The following GNG12 variants were observed in gnomAD, a reference collection of about 807,000 sequenced individuals.
GNG12 encodes G protein subunit gamma 12.
For synonymous variants in GNG12, 28 were observed against 29.7 expected (o/e 0.94, Z 0.19); for missense variants, 69 against 83.8 (o/e 0.82, Z 0.69).
chr1:67,747,264 T>C (rs568723), intron 2 of GNG12, among the ~76,000 whole-genome samples: 108,401 of 152,114 alleles, frequency 0.71, 38,750 homozygotes, highest in African/African-American at 0.76. Flanking sequence ...GGACTACAGG[T>C]GTGTGCCACC....
rs907229581 is a variant in GNG12 at position 67,778,707 on chromosome 1, C to T, written c.-76-1200G>A. Among the ~76,000 whole-genome samples the T allele has an allele frequency of 3.9e-5, 6 of 152,136 alleles. 1 individual carries two copies. Among genetic ancestry groups the T allele is most frequent in the African/African-American group, 9.7e-5 (4 of 41,438 alleles). On this transcript the variant is annotated intron_variant, in intron 1 of 3. Coordinates refer to ENST00000370982, the MANE Select transcript of GNG12 (RefSeq NM_018841.6). ...ACATTATTTACACAAGACTGTGAGA[C>T]GGTGACAGGGATGGGATTCAAATCT...
intron 1 of GNG12, among the ~76,000 whole-genome samples, chr1:67,814,196 T>C (rs1570570303): frequency 6.6e-6 from 1 of 152,152 alleles, no homozygotes; most frequent in East Asian, 1.9e-4. Context: ...AAAAAAAAAT[T>C]GTGCTTGCTT....
chr1:67,807,628 G>T (rs141370349), intron 1 of GNG12, among the ~76,000 whole-genome samples: 1 of 151,784 alleles, frequency 6.6e-6, no homozygotes, highest in Non-Finnish European at 1.5e-5. Context: ...ATATAAAGGA[G>T]GGGACACTAC....
At chr1:67,732,297 G>A (rs571947353) in intron 2 of GNG12, among the ~76,000 whole-genome samples, 15 of 152,320 alleles carry the variant, frequency 9.8e-5, no homozygotes, top group African/African-American at 3.4e-4. Flanking sequence ...AGTATAAAGC[G>A]ACTATTATTA....
intron 2 of GNG12, among the ~76,000 whole-genome samples, chr1:67,729,393 CTCTT>C (rs370802663): frequency 8.0e-4 from 122 of 152,332 alleles, no homozygotes; most frequent in African/African-American, 2.8e-3. Flanking sequence ...CAGCTTCTCT[CTCTT>C]TCTGCTAATA....
intron 1 of GNG12, among the ~76,000 whole-genome samples, chr1:67,782,517 C>T (rs987043681): frequency 1.3e-5 from 2 of 152,090 alleles, no homozygotes; most frequent in African/African-American, 2.4e-5. Flanking sequence ...AGGAGAAATT[C>T]TTTTTACCTG....
intron 1 of GNG12, among the ~76,000 whole-genome samples, chr1:67,804,929 G>C (rs1570563881): frequency 1.3e-5 from 2 of 152,252 alleles, no homozygotes; most frequent in African/African-American, 2.4e-5. Flanking sequence ...CTTCCAGCAG[G>C]GGGAGGGTGA....
chr1:67,765,305 G>C (rs959200172), intron 2 of GNG12, among the ~76,000 whole-genome samples: 6 of 151,844 alleles, frequency 4.0e-5, no homozygotes, highest in Non-Finnish European at 8.8e-5. Context: ...TCTAAGAGCA[G>C]AGAAAGAAAA....
At chr1:67,791,986 G>A (rs1646804102) in intron 1 of GNG12, among the ~76,000 whole-genome samples, 1 of 152,140 alleles carries the variant, frequency 6.6e-6, no homozygotes, top group South Asian at 2.1e-4. Flanking sequence ...CCTTGACACA[G>A]GTTCTTCCTT....
chr1:67,720,281 G>A (rs914507904), intron 2 of GNG12, among the ~76,000 whole-genome samples: 36 of 152,330 alleles, frequency 2.4e-4, no homozygotes, highest in African/African-American at 7.7e-4. Flanking sequence ...GCTGGTGAAG[G>A]CGGGCCCATG....
intron 2 of GNG12, among the ~76,000 whole-genome samples, chr1:67,709,179 T>TG (rs1257575365): frequency 1.3e-5 from 2 of 152,196 alleles, no homozygotes; most frequent in Non-Finnish European, 2.9e-5. Flanking sequence ...AAGGATTTTT[T>TG]GGGGGGATTC....
intron 2 of GNG12, among the ~76,000 whole-genome samples, chr1:67,721,339 A>G (rs1646355039): frequency 6.6e-6 from 1 of 152,146 alleles, no homozygotes; most frequent in Non-Finnish European, 1.5e-5. Flanking sequence ...ATGGTTCTAA[A>G]CGCGTGGTCA....
intron 1 of GNG12, among the ~76,000 whole-genome samples, chr1:67,829,367 C>T (rs896904534): frequency 1.3e-5 from 2 of 152,058 alleles, no homozygotes; most frequent in Non-Finnish European, 2.9e-5. Context: ...TATTGCAAAC[C>T]ATTTCACATT....
At chr1:67,709,487 A>G (rs1240956260) in intron 2 of GNG12, among the ~76,000 whole-genome samples, 2 of 152,090 alleles carry the variant, frequency 1.3e-5, no homozygotes, top group African/African-American at 4.8e-5. Context: ...CCCTAGGAAT[A>G]AGGAAGCTCT....
At chr1:67,794,525 A>C (rs1284301150) in intron 1 of GNG12, among the ~76,000 whole-genome samples, 1 of 152,206 alleles carries the variant, frequency 6.6e-6, no homozygotes, top group African/African-American at 2.4e-5. Flanking sequence ...AAGACGGTGG[A>C]TCACAGAGAT....
At chr1:67,779,794 A>T (rs1176339844) in intron 1 of GNG12, among the ~76,000 whole-genome samples, 1 of 152,198 alleles carries the variant, frequency 6.6e-6, no homozygotes, top group Non-Finnish European at 1.5e-5. Flanking sequence ...TCATCGTGTG[A>T]ATATCGTAGG....
intron 1 of GNG12, among the ~76,000 whole-genome samples, chr1:67,787,545 A>G (rs1414707289): frequency 1.3e-5 from 2 of 152,220 alleles, no homozygotes; most frequent in Non-Finnish European, 2.9e-5. Flanking sequence ...CAGAATCTCT[A>G]GCATCTTCAC....
At chr1:67,756,170 G>A (rs993571331) in intron 2 of GNG12, among the ~76,000 whole-genome samples, 11 of 152,168 alleles carry the variant, frequency 7.2e-5, no homozygotes, top group African/African-American at 2.4e-4. Context: ...GGTAGAGGGT[G>A]CAATAGAGAT....
chr1:67,790,353 G>A (rs971597145), intron 1 of GNG12, among the ~76,000 whole-genome samples: 1 of 151,976 alleles, frequency 6.6e-6, no homozygotes. Flanking sequence ...GCTGCCCAGC[G>A]TTTAGGGAAA....
Sources: allele counts gnomAD v4.1 joint callset (sites outside exome capture counted in the v4.1 genomes callset), GRCh38; gene constraint gnomAD v4.1.1; transcripts MANE v1.5; gene names NCBI Gene and HGNC (gene_info 2026-07-23, HGNC 2026-07-21).